The following PRKCA variants were observed in gnomAD, a reference collection of about 807,000 sequenced individuals.
PRKCA encodes the protein protein kinase C alpha.
Under a neutral mutation model 87.0 loss-of-function variants are expected in PRKCA, and 27 were observed. That is an observed-to-expected ratio of 0.31 (90% CI 0.23 to 0.43). The LOEUF (loss-of-function observed/expected upper bound fraction) is 0.43, where lower values mean the gene tolerates loss of function less well. Ranked by LOEUF, PRKCA falls within the 20% of genes least tolerant of loss-of-function variation. The pLI is 1.00. For synonymous variants in PRKCA, 329 were observed against 311.1 expected (o/e 1.06, Z -0.61); for missense variants, 518 against 852.3 (o/e 0.61, Z 4.88).
chr17:66,531,868 C>A (rs925389158), intron 3 of PRKCA, among the ~76,000 whole-genome samples: 7 of 152,190 alleles, frequency 4.6e-5, no homozygotes, highest in Non-Finnish European at 1.0e-4. Flanking sequence ...TATCTTTGTG[C>A]TGTTTTCCTT....
In PRKCA at chr17:66,592,972, A is replaced by G. The variant is rs182116167; in HGVS notation, c.289-48383A>G. Among the ~76,000 whole-genome samples, 1,021 of 152,158 alleles carry G rather than the reference A, an allele frequency of 6.7e-3. 39 individuals carry two copies. Among genetic ancestry groups the G allele is most frequent in the Admixed American group, 0.058 (894 of 15,284 alleles). ...CACACTCAGATAATTTTGTATTTTT[A>G]GTAGAGACAGGGTTTCACCACATTG... On this transcript the variant is annotated intron_variant, in intron 3 of 16. Coordinates refer to ENST00000413366, the MANE Select transcript of PRKCA (RefSeq NM_002737.3).
At chr17:66,778,039 G>T (rs1353946240) in intron 14 of PRKCA, 1 of 985,284 alleles carries the variant, frequency 1.0e-6, no homozygotes, top group African/African-American at 1.7e-5. Flanking sequence ...TTGGCCTGAG[G>T]TGATTTACAG....
chr17:66,406,585 G>GTTTTTTTTTTTTTTTTTTTTTTTT lies in PRKCA; in HGVS notation c.206-89615_206-89592dup, dbSNP rs71160568. Among the ~76,000 whole-genome samples, 45 of 70,174 alleles carry GTTTTTTTTTTTTTTTTTTTTTTTT rather than the reference G, an allele frequency of 6.4e-4. 6 individuals carry two copies. Among genetic ancestry groups the GTTTTTTTTTTTTTTTTTTTTTTTT allele is most frequent in the African/African-American group, 9.7e-4 (21 of 21,694 alleles). The allele number at this position is 70,174 out of a possible 152,430, so 46.0% of individuals were successfully genotyped here. Reference sequence around the variant, plus strand: ...TCATGTAGCATTGTAGCTTTTCCAGGTTTTTTTTTTTTTTTTTTTTTTTTA... The same window carrying GTTTTTTTTTTTTTTTTTTTTTTTT: ...TCATGTAGCATTGTAGCTTTTCCAGGTTTTTTTTTTTTTTTTTTTTTTTTTTTTTTTTTTTTTTTTTTTTTTTTA... On this transcript the variant is annotated intron_variant, in intron 2 of 16. Coordinates refer to ENST00000413366, the MANE Select transcript of PRKCA (RefSeq NM_002737.3).
chr17:66,716,285 G>A (rs1973470656), intron 8 of PRKCA, among the ~76,000 whole-genome samples: 7 of 152,164 alleles, frequency 4.6e-5, no homozygotes, highest in Admixed American at 2.6e-4. Flanking sequence ...CATAAAGCCA[G>A]TGTGGTGGTA....
At chr17:66,460,030 G>T (rs1424173379) in intron 2 of PRKCA, among the ~76,000 whole-genome samples, 1 of 152,158 alleles carries the variant, frequency 6.6e-6, no homozygotes, top group Non-Finnish European at 1.5e-5. Context: ...TTGCAAAGTT[G>T]ATTTCTTTTG....
At chr17:66,666,337 G>T (rs1972041975) in intron 5 of PRKCA, among the ~76,000 whole-genome samples, 1 of 152,202 alleles carries the variant, frequency 6.6e-6, no homozygotes, top group South Asian at 2.1e-4. Context: ...CTGCTGTGCT[G>T]CTGGGGCCAG....
chr17:66,681,155 G>C (rs1254949170), intron 5 of PRKCA, among the ~76,000 whole-genome samples: 1 of 152,128 alleles, frequency 6.6e-6, no homozygotes, highest in African/African-American at 2.4e-5. Context: ...CTTGAACCCG[G>C]GAGGCGGAAG....
chr17:66,479,327 T>C (rs1337327032), intron 2 of PRKCA, among the ~76,000 whole-genome samples: 1 of 152,184 alleles, frequency 6.6e-6, no homozygotes, highest in Non-Finnish European at 1.5e-5. Flanking sequence ...CCAGTCAGAA[T>C]AGCTATTACT....
At chr17:66,389,471 G>A (rs915630391) in intron 2 of PRKCA, among the ~76,000 whole-genome samples, 1 of 152,202 alleles carries the variant, frequency 6.6e-6, no homozygotes, top group African/African-American at 2.4e-5. Context: ...CACCTTTGCA[G>A]GGATATCGTA....
intron 3 of PRKCA, among the ~76,000 whole-genome samples, chr17:66,633,319 A>C (rs369687023): frequency 9.9e-5 from 15 of 152,114 alleles, no homozygotes; most frequent in Admixed American, 2.6e-4. Context: ...TAAAAAAAAA[A>C]CTGCTTCCTA....
intron 3 of PRKCA, among the ~76,000 whole-genome samples, chr17:66,530,935 C>A (rs943204900): frequency 4.6e-5 from 7 of 152,148 alleles, no homozygotes; most frequent in African/African-American, 1.7e-4. Context: ...CTCTTATACC[C>A]TGGGGGCCTC....
At chr17:66,431,676 C>G (rs569955875) in intron 2 of PRKCA, among the ~76,000 whole-genome samples, 1 of 152,192 alleles carries the variant, frequency 6.6e-6, no homozygotes, top group South Asian at 2.1e-4. Context: ...TGCCCTTCCC[C>G]TCCATTGTAT....
At chr17:66,675,165 C>T (rs1438950056) in intron 5 of PRKCA, among the ~76,000 whole-genome samples, 1 of 152,162 alleles carries the variant, frequency 6.6e-6, no homozygotes, top group African/African-American at 2.4e-5. Flanking sequence ...CTGGAGACTC[C>T]AAGTTCAGGG....
At chr17:66,738,213 G>C (rs1424794605) in intron 10 of PRKCA, among the ~76,000 whole-genome samples, 2 of 152,226 alleles carry the variant, frequency 1.3e-5, no homozygotes, top group Non-Finnish European at 2.9e-5. Flanking sequence ...CATTTGATTA[G>C]CATCTCCATC....
At chr17:66,657,064 T>C (rs1412862393) in intron 5 of PRKCA, among the ~76,000 whole-genome samples, 2 of 152,214 alleles carry the variant, frequency 1.3e-5, no homozygotes, top group African/African-American at 4.8e-5. Context: ...GCGTTTCCAA[T>C]TGGAAAGATT....
chr17:66,607,809 C>T (rs1184638919), intron 3 of PRKCA, among the ~76,000 whole-genome samples: 2 of 152,130 alleles, frequency 1.3e-5, no homozygotes, highest in Admixed American at 6.5e-5. Context: ...CCAGGTTTCA[C>T]CTCTGGATGT....
intron 2 of PRKCA, among the ~76,000 whole-genome samples, chr17:66,438,522 AT>A (rs1224681409): frequency 1.3e-5 from 2 of 152,206 alleles, no homozygotes; most frequent in Non-Finnish European, 2.9e-5. Flanking sequence ...GGCTTTGAGC[AT>A]TCGTGGAACA....
At chr17:66,654,846 G>A (rs1338420141) in intron 5 of PRKCA, among the ~76,000 whole-genome samples, 4 of 152,152 alleles carry the variant, frequency 2.6e-5, no homozygotes, top group Non-Finnish European at 5.9e-5. Context: ...GGAAAATGAA[G>A]AATTAAAATG....
intron 2 of PRKCA, among the ~76,000 whole-genome samples, chr17:66,468,254 G>A (rs73996224): frequency 0.039 from 6,007 of 152,248 alleles, 379 homozygotes; most frequent in African/African-American, 0.14. Context: ...ATATACAGGT[G>A]AAAAATATTT....
Sources: gnomAD v4.1 joint callset for allele counts (sites outside exome capture counted in the v4.1 genomes callset) on GRCh38, gnomAD v4.1.1 for gene constraint, MANE v1.5 for transcripts, NCBI Gene and HGNC (gene_info 2026-07-23, HGNC 2026-07-21) for gene names.